Variants in NAALADL2 observed in about 807,000 individuals in gnomAD.
NAALADL2 encodes the protein inactive N-acetylated-alpha-linked acidic dipeptidase-like protein 2.
Under a neutral mutation model 87.2 loss-of-function variants are expected in NAALADL2, and 76 were observed. The ratio of observed to expected loss-of-function variants is 0.87; its 90% CI spans 0.72 to 1.05. NAALADL2 has a LOEUF of 1.05. Among genes scored for constraint, NAALADL2 ranks in the 50% least tolerant of loss-of-function variants. NAALADL2 has a pLI of 0.00. For synonymous variants in NAALADL2, 354 were observed against 331.0 expected (o/e 1.07, Z -0.75); for missense variants, 1,089 against 945.8 (o/e 1.15, Z -1.99).
chr3:175,103,939 T>C (rs1722664802), intron 2 of NAALADL2, among the ~76,000 whole-genome samples: 2 of 152,132 alleles, frequency 1.3e-5, no homozygotes, highest in African/African-American at 4.8e-5. Context: ...TAATTTACTT[T>C]TTCACCTATG....
At chr3:174,897,277 G>A (rs773391441) in intron 1 of NAALADL2, among the ~76,000 whole-genome samples, 5 of 151,540 alleles carry the variant, frequency 3.3e-5, no homozygotes, top group East Asian at 2.0e-4. Context: ...TCTGACAAGG[G>A]ATTAATAGCC....
chr3:175,133,485 C>T (rs963776019), intron 2 of NAALADL2, among the ~76,000 whole-genome samples: 5 of 152,202 alleles, frequency 3.3e-5, no homozygotes, highest in African/African-American at 1.2e-4. Flanking sequence ...CTTGGGATGC[C>T]GAGGCTGGCG....
At chr3:174,993,235 G>A (rs1746982407) in intron 1 of NAALADL2, among the ~76,000 whole-genome samples, 1 of 152,014 alleles carries the variant, frequency 6.6e-6, no homozygotes, top group African/African-American at 2.4e-5. Flanking sequence ...ATTAAGAGAA[G>A]TTCAGAGAAA....
chr3:175,347,808 C>T (rs1449454004), intron 5 of NAALADL2, among the ~76,000 whole-genome samples: 2 of 152,054 alleles, frequency 1.3e-5, no homozygotes, highest in Non-Finnish European at 2.9e-5. Flanking sequence ...CACAGGTATA[C>T]ACGTGCCATG....
chr3:175,315,919 C>G (rs1327059918), intron 4 of NAALADL2, among the ~76,000 whole-genome samples: 3 of 152,132 alleles, frequency 2.0e-5, no homozygotes, highest in African/African-American at 7.2e-5. Context: ...ATATTCCTCA[C>G]CAATAGTTTA....
intron 13 of NAALADL2, among the ~76,000 whole-genome samples, chr3:175,792,829 G>A (rs1272640388): frequency 9.2e-5 from 14 of 152,290 alleles, no homozygotes; most frequent in African/African-American, 3.1e-4. Context: ...TCTGCCTTCC[G>A]TAGTATAAGC....
chr3:175,545,108 G>A (rs190422552), intron 9 of NAALADL2, among the ~76,000 whole-genome samples: 24 of 152,188 alleles, frequency 1.6e-4, no homozygotes, highest in African/African-American at 5.8e-4. Flanking sequence ...TATTAGAGAG[G>A]CCAGCAGATA....
intron 1 of NAALADL2, among the ~76,000 whole-genome samples, chr3:174,928,899 A>G (rs1244036597): frequency 1.3e-5 from 2 of 152,196 alleles, no homozygotes; most frequent in Admixed American, 6.5e-5. Context: ...TTTCACATGT[A>G]CAGTGGAAAA....
intron 1 of NAALADL2, among the ~76,000 whole-genome samples, chr3:175,050,769 A>G (rs1755277820): frequency 6.6e-6 from 1 of 152,196 alleles, no homozygotes; most frequent in Non-Finnish European, 1.5e-5. Flanking sequence ...TATTACCATT[A>G]TATTTTATTA....
chr3:174,878,810 A>C (rs1728832690), intron 1 of NAALADL2, among the ~76,000 whole-genome samples: 1 of 152,072 alleles, frequency 6.6e-6, no homozygotes, highest in African/African-American at 2.4e-5. Flanking sequence ...ATGTGAGATA[A>C]AAAAATCCTG....
chr3:175,713,722 C>T (rs1740849442), intron 11 of NAALADL2, among the ~76,000 whole-genome samples: 2 of 151,900 alleles, frequency 1.3e-5, no homozygotes, highest in African/African-American at 2.4e-5. Context: ...CTTACCACCC[C>T]AAATGCAAAG....
At chr3:175,540,029 T>C (rs558921723) in intron 9 of NAALADL2, among the ~76,000 whole-genome samples, 2 of 152,286 alleles carry the variant, frequency 1.3e-5, no homozygotes, top group Non-Finnish European at 2.9e-5. Flanking sequence ...AGAAAGTAAG[T>C]TTGAGCCCAG....
chr3:175,249,973 C>T (rs1748719196), intron 3 of NAALADL2, among the ~76,000 whole-genome samples: 1 of 151,974 alleles, frequency 6.6e-6, no homozygotes, highest in Non-Finnish European at 1.5e-5. Flanking sequence ...AGTTCGAGAC[C>T]AGCCTAACCA....
At position 175,733,254 on chromosome 3, in the gene NAALADL2, C is replaced by T. The variant is rs571524918; in HGVS notation, c.1897-4052C>T. Among the ~76,000 whole-genome samples the T allele has an allele frequency of 4.3e-4, 66 of 152,170 alleles. No homozygotes were observed. The South Asian group carries it at 0.012, about 27-fold the overall frequency. On this transcript the variant is annotated intron_variant, in intron 11 of 13. Coordinates refer to ENST00000454872, the MANE Select transcript of NAALADL2 (RefSeq NM_207015.3). ...GACATACCGAAGACAAGGCAATTTACGAAGGAAAGAGGTTTAATGGAGAAC... is the reference window on the plus strand; with the variant it reads ...GACATACCGAAGACAAGGCAATTTATGAAGGAAAGAGGTTTAATGGAGAAC...
At chr3:175,045,465 T>C (rs555284040) in intron 1 of NAALADL2, among the ~76,000 whole-genome samples, 1 of 152,270 alleles carries the variant, frequency 6.6e-6, no homozygotes, top group African/African-American at 2.4e-5. Flanking sequence ...AGTTACTAGT[T>C]TGGTATTTAT....
chr3:175,559,588 G>A (rs1262857099), intron 9 of NAALADL2, among the ~76,000 whole-genome samples: 2 of 152,094 alleles, frequency 1.3e-5, no homozygotes, highest in Non-Finnish European at 2.9e-5. Flanking sequence ...GTCATATATG[G>A]CTTTTATTAT....
chr3:175,577,167 CCT>C (rs1241529121), intron 10 of NAALADL2, among the ~76,000 whole-genome samples: 1 of 152,046 alleles, frequency 6.6e-6, no homozygotes. Flanking sequence ...AGATGGAAGC[CCT>C]GACTCTGACA....
chr3:175,419,763 G>A (rs1715338807), intron 5 of NAALADL2, among the ~76,000 whole-genome samples: 1 of 151,950 alleles, frequency 6.6e-6, no homozygotes, highest in Non-Finnish European at 1.5e-5. Flanking sequence ...AAAAAAGTGA[G>A]AAGAGTGTTA....
intron 1 of NAALADL2, chr3:174,863,729 C>T (rs1726802025): frequency 5.1e-6 from 1 of 197,228 alleles, no homozygotes. Flanking sequence ...CTGTATTCAT[C>T]ATCAGAAACC....
Sources: gnomAD v4.1 joint callset for allele counts (sites outside exome capture counted in the v4.1 genomes callset) on GRCh38, gnomAD v4.1.1 for gene constraint, MANE v1.5 for transcripts, NCBI Gene and HGNC (gene_info 2026-07-23, HGNC 2026-07-21) for gene names.